The following PLCB1 variants were observed in gnomAD, a reference collection of about 807,000 sequenced individuals.
PLCB1 encodes the protein phospholipase C beta 1.
In PLCB1, 46 loss-of-function variants were observed where a neutral mutation model predicts 161.8. The observed-to-expected ratio is 0.28, with a 90% CI of 0.22 to 0.36. The LOEUF is 0.36. Ranked by LOEUF, PLCB1 falls within the 10% of genes least tolerant of loss-of-function variation. The pLI is 1.00. For missense variants in PLCB1, 1,016 were observed against 1,472.5 expected, an observed-to-expected ratio of 0.69 and a Z score of 5.07; for synonymous variants, 517 against 503.7, an observed-to-expected ratio of 1.03 and a Z score of -0.35.
intron 2 of PLCB1, among the ~76,000 whole-genome samples, chr20:8,153,035 C>G (rs1156529795): frequency 1.3e-5 from 2 of 152,100 alleles, no homozygotes; most frequent in Non-Finnish European, 2.9e-5. Context: ...GACATGCTAC[C>G]TTCCAAAACC....
intron 2 of PLCB1, among the ~76,000 whole-genome samples, chr20:8,298,521 AG>A (rs1244917710): frequency 6.6e-6 from 1 of 151,798 alleles, no homozygotes; most frequent in Non-Finnish European, 1.5e-5. Context: ...CATGCTTTAA[AG>A]TAAATATACT....
At chr20:8,353,456 A>G (rs1239000340) in intron 2 of PLCB1, among the ~76,000 whole-genome samples, 1 of 152,110 alleles carries the variant, frequency 6.6e-6, no homozygotes, top group African/African-American at 2.4e-5. Flanking sequence ...AAAAAAGCAC[A>G]ATATGGAAAG....
chr20:8,803,298 A>G (rs1568605743), intron 31 of PLCB1, among the ~76,000 whole-genome samples: 1 of 152,058 alleles, frequency 6.6e-6, no homozygotes, highest in Non-Finnish European at 1.5e-5. Context: ...AGTTCCAGGG[A>G]GCACATTTTA....
chr20:8,880,681 CTCTG>C (rs1433471189), intron 31 of PLCB1, among the ~76,000 whole-genome samples: 2 of 152,132 alleles, frequency 1.3e-5, no homozygotes, highest in Non-Finnish European at 2.9e-5. Flanking sequence ...CTCCACACTG[CTCTG>C]TCTATTCTAC....
intron 7 of PLCB1, chr20:8,651,394 T>C: frequency 2.8e-6 from 2 of 715,676 alleles, no homozygotes; most frequent in Non-Finnish European, 5.2e-6. Flanking sequence ...ACCTCTTCAC[T>C]ATCACCTTTC....
intron 2 of PLCB1, among the ~76,000 whole-genome samples, chr20:8,352,078 G>A (rs531437461): frequency 6.6e-6 from 1 of 152,036 alleles, no homozygotes; most frequent in African/African-American, 2.4e-5. Flanking sequence ...ACCCAAAACT[G>A]GAAGCCACCA....
intron 2 of PLCB1, among the ~76,000 whole-genome samples, chr20:8,260,199 G>A (rs1466079787): frequency 1.3e-5 from 2 of 149,620 alleles, no homozygotes; most frequent in African/African-American, 4.9e-5. Context: ...TATAGCCTCA[G>A]CCTCCTTATC....
intron 2 of PLCB1, among the ~76,000 whole-genome samples, chr20:8,280,627 TG>T (rs1568616206): frequency 6.6e-6 from 1 of 152,186 alleles, no homozygotes; most frequent in Non-Finnish European, 1.5e-5. Flanking sequence ...TAAAAACAAG[TG>T]TCTTAAATAT....
At chr20:8,861,325 T>C (rs1987245911) in intron 31 of PLCB1, among the ~76,000 whole-genome samples, 1 of 152,228 alleles carries the variant, frequency 6.6e-6, no homozygotes, top group Non-Finnish European at 1.5e-5. Flanking sequence ...CATACACTTA[T>C]TATGTTTGTT....
chr20:8,610,377 T>C (rs1337681982), intron 3 of PLCB1, among the ~76,000 whole-genome samples: 1 of 152,356 alleles, frequency 6.6e-6, no homozygotes, highest in Non-Finnish European at 1.5e-5. Context: ...TGATTTTCCA[T>C]TCATCAGTTG....
chr20:8,392,436 A>G (rs957990785), intron 3 of PLCB1, among the ~76,000 whole-genome samples: 2 of 152,166 alleles, frequency 1.3e-5, no homozygotes, highest in African/African-American at 4.8e-5. Context: ...TGTTTGTTAT[A>G]GTAGCACACA....
chr20:8,699,766 A>T (rs749733478), intron 11 of PLCB1, among the ~76,000 whole-genome samples: 6 of 152,226 alleles, frequency 3.9e-5, no homozygotes, highest in Non-Finnish European at 7.3e-5. Context: ...TATGTGTATT[A>T]TGTTGTGCCT....
intron 9 of PLCB1, among the ~76,000 whole-genome samples, chr20:8,675,771 T>C (rs551824874): frequency 6.6e-6 from 1 of 152,294 alleles, no homozygotes; most frequent in Non-Finnish European, 1.5e-5. Context: ...AAATGACCAT[T>C]ACATAATTTA....
At chr20:8,320,930 AAGAAG>A (rs1344521182) in intron 2 of PLCB1, among the ~76,000 whole-genome samples, 4 of 151,644 alleles carry the variant, frequency 2.6e-5, no homozygotes, top group South Asian at 4.2e-4. Context: ...GAAGAGGAAG[AAGAAG>A]AGAAGAAAAG....
rs570677526 is a variant in PLCB1 at position 8,244,993 on chromosome 20, G to C, written c.177+94622G>C. On this transcript the variant is annotated intron_variant, in intron 2 of 31. Coordinates refer to ENST00000338037, the MANE Select transcript of PLCB1 (RefSeq NM_015192.4). ...GAGGTTCTATTTTGGAGGGGGGGAT[G>C]TATGACAAGTAATATTTTTATATTT... Among the ~76,000 whole-genome samples the C allele has an allele frequency of 5.9e-5, 9 of 151,768 alleles. No homozygotes were observed. The South Asian group carries it at 1.7e-3, about 28-fold the overall frequency.
intron 2 of PLCB1, among the ~76,000 whole-genome samples, chr20:8,339,817 A>G (rs1397344209): frequency 6.6e-6 from 1 of 152,078 alleles, no homozygotes; most frequent in Non-Finnish European, 1.5e-5. Context: ...TTAAAAAGTT[A>G]ATGGGGCCAG....
At chr20:8,668,614 G>A (rs1989871866) in intron 9 of PLCB1, among the ~76,000 whole-genome samples, 2 of 152,142 alleles carry the variant, frequency 1.3e-5, no homozygotes, top group African/African-American at 4.8e-5. Flanking sequence ...TGTGAACGAG[G>A]AAGAGAAAGC....
chr20:8,754,931 A>G (rs957239985), intron 23 of PLCB1, among the ~76,000 whole-genome samples: 5 of 152,240 alleles, frequency 3.3e-5, no homozygotes, highest in Admixed American at 6.5e-5. Flanking sequence ...CCCTTTGCAT[A>G]TAATTCTAGG....
intron 3 of PLCB1, among the ~76,000 whole-genome samples, chr20:8,516,393 A>G (rs888917700): frequency 6.6e-6 from 1 of 152,162 alleles, no homozygotes; most frequent in African/African-American, 2.4e-5. Flanking sequence ...CAATGAGGCC[A>G]AAGCAAGTCA....
Sources: gnomAD v4.1 joint callset for allele counts (sites outside exome capture counted in the v4.1 genomes callset) on GRCh38, gnomAD v4.1.1 for gene constraint, MANE v1.5 for transcripts, NCBI Gene and HGNC (gene_info 2026-07-23, HGNC 2026-07-21) for gene names.